ZNF730: variants seen among roughly 807,000 people sequenced by gnomAD.
ZNF730 encodes putative zinc finger protein 730.
Under a neutral mutation model 12.6 loss-of-function variants are expected in ZNF730, and 12 were observed. The observed-to-expected ratio is 0.95, with a 90% CI of 0.61 to 1.54. ZNF730 has a LOEUF of 1.54. Ranked by LOEUF, ZNF730 falls within the 40% of genes most tolerant of loss-of-function variation. The pLI is 0.00. For synonymous variants in ZNF730, 194 were observed against 195.8 expected (o/e 0.99, Z 0.08); for missense variants, 643 against 583.5 (o/e 1.10, Z -1.05).
chr19:23,085,496 CTTTTTTTTTTT>C lies in ZNF730; in HGVS notation c.-94+10130_-94+10140del, dbSNP rs58871710. On this transcript the variant is annotated intron_variant, in intron 1 of 2. Transcript: ENST00000593635. ...TACAGGCATGAGCCACCATGCCCGT[CTTTTTTTTTTT>C]TTTTTTTTTTTTTTTTTTTTAAATA... Among the ~76,000 whole-genome samples, 349 of 52,800 alleles carry C rather than the reference CTTTTTTTTTTT, an allele frequency of 6.6e-3. 2 individuals carry two copies. Among genetic ancestry groups the C allele is most frequent in the African/African-American group, 0.02 (319 of 15,782 alleles). 34.6% of individuals were successfully genotyped at this position (52,800 alleles called of 152,430 possible).
At chr19:23,093,755 C>T (rs2145497382) in intron 1 of ZNF730, among the ~76,000 whole-genome samples, 1 of 152,328 alleles carries the variant, frequency 6.6e-6, no homozygotes, top group African/African-American at 2.4e-5. Flanking sequence ...GCACTTGAGC[C>T]CTTCCTCCTC....
chr19:23,118,657 C>T (rs1970562299), intron 1 of ZNF730, among the ~76,000 whole-genome samples: 2 of 152,310 alleles, frequency 1.3e-5, no homozygotes, highest in Non-Finnish European at 2.9e-5. Flanking sequence ...ATTGTCTTCA[C>T]CCAACCTAGC....
At chr19:23,080,005 G>A (rs1487869198) in intron 1 of ZNF730, among the ~76,000 whole-genome samples, 1 of 152,106 alleles carries the variant, frequency 6.6e-6, no homozygotes, top group African/African-American at 2.4e-5. Context: ...GAGTGCAGTG[G>A]CGCCATCTTG....
At chr19:23,081,297 A>G (rs1333810919) in intron 1 of ZNF730, among the ~76,000 whole-genome samples, 2 of 151,558 alleles carry the variant, frequency 1.3e-5, no homozygotes, top group Non-Finnish European at 2.9e-5. Context: ...GGCATTTGCC[A>G]CCACTCCCAG....
Position 23,135,973 on chromosome 19 carries a change from G to A in ZNF730, c.156G>A (p.Leu52=). 2.5e-6 allele frequency: 4 copies of A among 1,609,506 alleles called. No individual in the cohort carries two copies. Among genetic ancestry groups the A allele is most frequent in the South Asian group, 1.1e-5 (1 of 90,598 alleles). Residue 52 remains leucine, a synonymous_variant, in exon 3 of 4, where the codon CTG becomes CTA. Transcript: ENST00000597761. ...GTATTGCTGTCTCAAAGCCAGACCT[G>A]ATCACCTGTCTGGAGCAAGAAAAAG... ...FLGIAVSKPD[L]ITCLEQEKEP...
Position 23,146,758 on chromosome 19 carries a change from C to A in ZNF730, c.*202C>A. 1 of 1,108,830 alleles carries A rather than the reference C, an allele frequency of 9.0e-7. No individual in the cohort carries two copies. Among genetic ancestry groups the A allele is most frequent in the Non-Finnish European group, 1.4e-6 (1 of 723,092 alleles). The allele number at this position is 1,108,830 out of a possible 1,614,324, so 68.7% of individuals were successfully genotyped here. On this transcript the variant is annotated 3_prime_UTR_variant, in exon 4 of 4. Coordinates refer to ENST00000597761, the MANE Select transcript of ZNF730 (RefSeq NM_001277403.2). ...GAATGTGGCAAAGTCTTCAACCAAT[C>A]TTCACACCTTACTACACATAAGATA... is the stretch of plus-strand genomic sequence containing the variant.
chr19:23,098,413 G>A (rs2032285032), intron 1 of ZNF730: 2 of 152,190 alleles, frequency 1.3e-5, no homozygotes, highest in South Asian at 4.1e-4. Flanking sequence ...CCAGCACTTA[G>A]GTAATGTGAC....
chr19:23,137,593 G>A (rs950789038), intron 3 of ZNF730, among the ~76,000 whole-genome samples: 5 of 152,168 alleles, frequency 3.3e-5, no homozygotes, highest in African/African-American at 9.7e-5. Flanking sequence ...TTTCTGCCAC[G>A]TACCTTCAGT....
chr19:23,120,723 T>A (rs1408910875), intron 1 of ZNF730, among the ~76,000 whole-genome samples: 1 of 152,152 alleles, frequency 6.6e-6, no homozygotes, highest in Non-Finnish European at 1.5e-5. Context: ...CAGATCTTCT[T>A]GTCTTCTGCT....
chr19:23,084,740 G>A (rs919337792), intron 1 of ZNF730, among the ~76,000 whole-genome samples: 1 of 152,134 alleles, frequency 6.6e-6, no homozygotes, highest in Non-Finnish European at 1.5e-5. Context: ...GTGTTAGTTT[G>A]CTAGGGATAA....
At chr19:23,130,104 G>C (rs1324031358) in intron 1 of ZNF730, among the ~76,000 whole-genome samples, 2 of 151,942 alleles carry the variant, frequency 1.3e-5, no homozygotes, top group African/African-American at 4.8e-5. Flanking sequence ...TGGTTTTGCT[G>C]TGTCCCCACC....
intron 2 of ZNF730, among the ~76,000 whole-genome samples, chr19:23,134,448 C>A (rs1448522303): frequency 1.4e-5 from 2 of 146,412 alleles, no homozygotes; most frequent in African/African-American, 5.0e-5. Context: ...GGGGGGTCGG[C>A]CAGCCGCCCT....
chr19:23,122,298 C>T (rs1432509200), intron 1 of ZNF730, among the ~76,000 whole-genome samples: 1 of 151,882 alleles, frequency 6.6e-6, no homozygotes, highest in Non-Finnish European at 1.5e-5. Flanking sequence ...CTGCCACCAC[C>T]CTTGACTAAT....
At chr19:23,139,770 A>G (rs1280426465) in intron 3 of ZNF730, among the ~76,000 whole-genome samples, 2 of 151,988 alleles carry the variant, frequency 1.3e-5, no homozygotes, top group Non-Finnish European at 2.9e-5. Flanking sequence ...GGTGCTCCAC[A>G]CACCTCAGCC....
intron 1 of ZNF730, among the ~76,000 whole-genome samples, chr19:23,124,358 C>T (rs1198756696): frequency 1.3e-5 from 2 of 152,194 alleles, no homozygotes; most frequent in Non-Finnish European, 2.9e-5. Context: ...AGAGCCATAA[C>T]CACAACTATA....
chr19:23,114,188 G>T (rs1490344500), upstream of ZNF730, among the ~76,000 whole-genome samples: 1 of 151,872 alleles, frequency 6.6e-6, no homozygotes, highest in African/African-American at 2.4e-5. Context: ...ATGTTGCTGT[G>T]CTGGAGTATT....
chr19:23,093,881 A>T (rs1292688750), intron 1 of ZNF730, among the ~76,000 whole-genome samples: 2 of 152,232 alleles, frequency 1.3e-5, no homozygotes, highest in African/African-American at 4.8e-5. Context: ...CTTGGCCTGT[A>T]GGGTGGACCC....
intron 1 of ZNF730, among the ~76,000 whole-genome samples, chr19:23,111,270 T>C (rs916911162): frequency 2.6e-5 from 4 of 152,246 alleles, no homozygotes; most frequent in Admixed American, 1.3e-4. Context: ...TGATGAGCCA[T>C]TTAAACATTT....
At chr19:23,139,321 A>G (rs1970880632) in intron 3 of ZNF730, among the ~76,000 whole-genome samples, 1 of 152,160 alleles carries the variant, frequency 6.6e-6, no homozygotes, top group African/African-American at 2.4e-5. Flanking sequence ...TAAATAGCAT[A>G]TATTTAAAAC....
Sources: allele counts gnomAD v4.1 joint callset (sites outside exome capture counted in the v4.1 genomes callset), GRCh38; gene constraint gnomAD v4.1.1; transcripts MANE v1.5; gene names NCBI Gene and HGNC (gene_info 2026-07-23, HGNC 2026-07-21).